Variants in NEURL1 observed in about 807,000 individuals in gnomAD.
The protein encoded by NEURL1 is neuralized E3 ubiquitin protein ligase 1.
A neutral mutation model predicts 41.2 loss-of-function variants in NEURL1; 26 were observed. The ratio of observed to expected loss-of-function variants is 0.63; its 90% CI spans 0.46 to 0.87. The LOEUF is 0.87. NEURL1 is among the 40% of genes least tolerant of loss of function. NEURL1 has a pLI of 0.00. For synonymous variants in NEURL1, 400 were observed against 402.3 expected, an observed-to-expected ratio of 0.99 and a Z score of 0.07; for missense variants, 761 against 871.1, an observed-to-expected ratio of 0.87 and a Z score of 1.59.
At chr10:103,574,095 T>C (rs10883885) in intron 3 of NEURL1, among the ~76,000 whole-genome samples, 43,119 of 151,932 alleles carry the variant, frequency 0.28, 6,510 homozygotes, top group East Asian at 0.45. Context: ...GGGAGAGTAG[T>C]CAGGGGCAGG....
In NEURL1 at chr10:103,570,741, G is replaced by C. The variant is rs920125144; in HGVS notation, c.86-131G>C. ...TGGCAGAAGGATGGTGGCAAGGGGT[G>C]GCGGCAGTGGTGAAAGAACTGGGCT... On this transcript the variant is annotated intron_variant, in intron 1 of 5. Transcript: ENST00000369780. The C allele has an allele frequency of 2.1e-5, 30 of 1,435,488 alleles. 1 individual carries two copies. The South Asian group carries it at 4.1e-4, about 20-fold the overall frequency. 88.9% of individuals were successfully genotyped at this position (1,435,488 alleles called of 1,614,324 possible). A position where few individuals can be genotyped will look rare whatever the true frequency, so the allele number is the denominator to read the frequency against.
At chr10:103,517,264 C>T (rs971358605) in intron 1 of NEURL1, 29 of 152,862 alleles carry the variant, frequency 1.9e-4, no homozygotes, top group South Asian at 8.3e-4. Context: ...TAGGCTCAAG[C>T]GATCCTCCTG....
At chr10:103,539,291 T>C (rs2133863110) in intron 1 of NEURL1, among the ~76,000 whole-genome samples, 1 of 152,336 alleles carries the variant, frequency 6.6e-6, no homozygotes, top group East Asian at 1.9e-4. Flanking sequence ...TATATTTACT[T>C]TGGTGAAGTG....
chr10:103,522,169 T>G (rs939935444), intron 1 of NEURL1, among the ~76,000 whole-genome samples: 2 of 152,170 alleles, frequency 1.3e-5, no homozygotes, highest in Admixed American at 6.5e-5. Flanking sequence ...CCATTTTGAC[T>G]TCTTTTGTGA....
At chr10:103,501,347 T>C (rs2033817719) in intron 1 of NEURL1, among the ~76,000 whole-genome samples, 1 of 152,168 alleles carries the variant, frequency 6.6e-6, no homozygotes, top group Non-Finnish European at 1.5e-5. Context: ...TCACAGAGGC[T>C]GTCAGCCTTC....
Position 103,558,787 on chromosome 10 carries a change from C to T in NEURL1, c.86-12085C>T, listed in dbSNP as rs1389610609. Among the ~76,000 whole-genome samples, 1 of 152,082 alleles carries T rather than the reference C, an allele frequency of 6.6e-6. No individual in the cohort carries two copies. Among genetic ancestry groups the T allele is most frequent in the East Asian group, 1.9e-4 (1 of 5,180 alleles). Reference sequence around the variant, plus strand: ...TCCCCCTCCTCTCGCCTCTGCCGTCCTCTCTTCTTCCTTTCCCCCCACTTC... The same window carrying T: ...TCCCCCTCCTCTCGCCTCTGCCGTCTTCTCTTCTTCCTTTCCCCCCACTTC... On this transcript the variant is annotated intron_variant, in intron 1 of 5. Transcript: ENST00000369780. This position sits in a 1 kb window ranked among gnomAD's most constrained non-coding sequence, Gnocchi z 4.2.
At chr10:103,525,775 C>T (rs1466679963) in intron 1 of NEURL1, among the ~76,000 whole-genome samples, 1 of 152,178 alleles carries the variant, frequency 6.6e-6, no homozygotes, top group Non-Finnish European at 1.5e-5. Flanking sequence ...AGTACTTCCA[C>T]TACTGTGGTG....
intron 1 of NEURL1, among the ~76,000 whole-genome samples, chr10:103,526,006 T>C (rs1240715713): frequency 3.3e-5 from 5 of 152,232 alleles, no homozygotes; most frequent in Non-Finnish European, 5.9e-5. Context: ...GAGAGGAGCA[T>C]ATGGTTTTTG....
intron 3 of NEURL1, among the ~76,000 whole-genome samples, chr10:103,576,043 C>T (rs73324171): frequency 0.013 from 2,002 of 152,306 alleles, 47 homozygotes; most frequent in African/African-American, 0.044. Flanking sequence ...AGGCACTAAG[C>T]GGGGGCAGGT....
chr10:103,499,448 C>T (rs1461357954), intron 1 of NEURL1, among the ~76,000 whole-genome samples: 1 of 150,482 alleles, frequency 6.6e-6, no homozygotes, highest in African/African-American at 2.4e-5. Context: ...TTCCTTCCTT[C>T]CTTCTTTCCT....
intron 1 of NEURL1, among the ~76,000 whole-genome samples, chr10:103,569,308 G>A (rs1308660239): frequency 6.6e-6 from 1 of 152,150 alleles, no homozygotes; most frequent in Non-Finnish European, 1.5e-5. Context: ...TATTCATATC[G>A]GTAGTTCATT....
Position 103,588,843 on chromosome 10 carries a change from G to T in NEURL1, c.1340-671G>T, listed in dbSNP as rs890176163. The T allele has an allele frequency of 2.7e-5, 12 of 447,026 alleles. No individual in the cohort carries two copies. The Admixed American group carries it at 2.9e-4, about 11-fold the overall frequency. The allele number at this position is 447,026 out of a possible 1,614,324, so 27.7% of individuals were successfully genotyped here. A position where few individuals can be genotyped will look rare whatever the true frequency, so the allele number is the denominator to read the frequency against. On this transcript the variant is annotated intron_variant, in intron 4 of 5. Coordinates refer to ENST00000369780, the MANE Select transcript of NEURL1 (RefSeq NM_004210.5). ...TGCCTATGATCCCAACTACTCAGGA[G>T]GCTGAGGCAGGAGAATCTCTTGAAC...
intron 3 of NEURL1, among the ~76,000 whole-genome samples, chr10:103,572,999 T>A (rs1272593576): frequency 5.9e-5 from 9 of 152,086 alleles, no homozygotes; most frequent in Non-Finnish European, 1.3e-4. Flanking sequence ...AACCTTTTTT[T>A]TTTTTCCCTT....
At position 103,514,902 on chromosome 10, in the gene NEURL1, C is replaced by T. The variant is rs116250804; in HGVS notation, c.85+20430C>T. Among the ~76,000 whole-genome samples, 1,510 of 152,174 alleles carry T rather than the reference C, an allele frequency of 9.9e-3. 24 individuals carry two copies. The highest frequency in any genetic ancestry group is 0.034 in the African/African-American group (1,412 of 41,524). On this transcript the variant is annotated intron_variant, in intron 1 of 5. Coordinates refer to ENST00000369780, the MANE Select transcript of NEURL1 (RefSeq NM_004210.5). ...AGCCCCCTCTCCCCATCCACCTCAC[C>T]ACCCTGTGGCCTTAGTTCTATCTCA...
At chr10:103,542,315 A>G (rs1245255164) in intron 1 of NEURL1, among the ~76,000 whole-genome samples, 3 of 152,174 alleles carry the variant, frequency 2.0e-5, no homozygotes, top group Non-Finnish European at 4.4e-5. Context: ...GCTGGAGTAC[A>G]GTGGCGTGAT....
chr10:103,520,502 A>G (rs1255084749), intron 1 of NEURL1, among the ~76,000 whole-genome samples: 1 of 152,172 alleles, frequency 6.6e-6, no homozygotes, highest in Non-Finnish European at 1.5e-5. Flanking sequence ...ACAAATCACA[A>G]TGGTGGAATG....
chr10:103,511,827 C>G (rs1043158927), intron 1 of NEURL1: 11 of 152,284 alleles, frequency 7.2e-5, no homozygotes, highest in Non-Finnish European at 1.5e-4. Context: ...TGCTGTATCA[C>G]CACCACCAGT....
intron 1 of NEURL1, among the ~76,000 whole-genome samples, chr10:103,557,365 C>T (rs1036984044): frequency 6.6e-6 from 1 of 151,866 alleles, no homozygotes; most frequent in Non-Finnish European, 1.5e-5. Flanking sequence ...AACCTGGGCC[C>T]AAGGTCATAT....
At chr10:103,532,821 C>T (rs1054556695) in intron 1 of NEURL1, among the ~76,000 whole-genome samples, 1 of 151,322 alleles carries the variant, frequency 6.6e-6, no homozygotes, top group East Asian at 1.9e-4. Context: ...AATCTTTGAG[C>T]TTCCTTGATC....
Sources: gnomAD v4.1 joint callset for allele counts (sites outside exome capture counted in the v4.1 genomes callset) on GRCh38, gnomAD v4.1.1 for gene constraint, Gnocchi (gnomAD v3.1) non-coding constraint, MANE v1.5 for transcripts, NCBI Gene and HGNC (gene_info 2026-07-23, HGNC 2026-07-21) for gene names.